The following XDH variants were observed in gnomAD, a reference collection of about 807,000 sequenced individuals.
XDH encodes xanthine dehydrogenase, also known as xanthine dehydrogenase/oxidase.
In XDH, 138 loss-of-function variants were observed where a neutral mutation model predicts 156.1. The ratio of observed to expected loss-of-function variants is 0.88; its 90% CI spans 0.77 to 1.02. The LOEUF (loss-of-function observed/expected upper bound fraction) is 1.02. Ranked by LOEUF, XDH falls within the 50% of genes least tolerant of loss-of-function variation. The pLI, the probability that XDH is intolerant of heterozygous loss-of-function variation, is 0.00. For synonymous variants in XDH, 669 were observed against 625.7 expected (o/e 1.07, Z -1.03); for missense variants, 1,849 against 1,684.9 (o/e 1.10, Z -1.71).
intron 30 of XDH, among the ~76,000 whole-genome samples, chr2:31,345,452 C>T (rs1039388384): frequency 6.6e-6 from 1 of 152,218 alleles, no homozygotes; most frequent in African/African-American, 2.4e-5. Context: ...CTAGCACAGA[C>T]TCAGATTTAA....
chr2:31,401,343 T>A lies in XDH; in HGVS notation c.198-15A>T, dbSNP rs1687053565. ...CAGAAAAGTGGCTAGAACCCCAGAT[T>A]AAGGTCATTCCATTTATTGTCCACT... On this transcript the variant is annotated splice_polypyrimidine_tract_variant and intron_variant, in intron 3 of 35. Coordinates refer to ENST00000379416, the MANE Select transcript of XDH (RefSeq NM_000379.4). 2 of 1,613,578 alleles carry A rather than the reference T, an allele frequency of 1.2e-6. No individual in the cohort carries two copies. The highest frequency in any genetic ancestry group is 2.7e-5 in the African/African-American group (2 of 75,014).
At chr2:31,366,742 T>G (rs1238003107) in intron 21 of XDH, 128 bp downstream of exon 21, 7 of 1,449,398 alleles carry the variant, frequency 4.8e-6, no homozygotes, top group Non-Finnish European at 5.8e-6. Flanking sequence ...GCTCCAGGAC[T>G]ATGACACTCG....
At chr2:31,412,567 C>T (rs1687370317) in intron 1 of XDH, among the ~76,000 whole-genome samples, 1 of 152,030 alleles carries the variant, frequency 6.6e-6, no homozygotes, top group East Asian at 1.9e-4. Flanking sequence ...ACCAACATGG[C>T]ACATGTGTAC....
In XDH at chr2:31,337,054, G is replaced by A. The variant is rs370830378; in HGVS notation, c.3951+587C>T. ...TTCTTAAAGTGATTCCAATGACTAC[G>A]GAATTCTTCTACTACTTTCTGCCAC... On this transcript the variant is annotated intron_variant, in intron 35 of 35. Transcript: ENST00000379416. Among the ~76,000 whole-genome samples, 12 of 151,762 alleles carry A rather than the reference G, an allele frequency of 7.9e-5. No homozygotes were observed. In the East Asian group the frequency reaches 1.2e-3, roughly 15 times the overall value.
intron 24 of XDH, among the ~76,000 whole-genome samples, chr2:31,353,875 G>A (rs1685556352): frequency 6.6e-6 from 1 of 152,152 alleles, no homozygotes; most frequent in South Asian, 2.1e-4. Context: ...GATGGTGCCA[G>A]AGGAGACCAG....
chr2:31,353,412 A>G (rs1685539864), intron 24 of XDH, among the ~76,000 whole-genome samples: 1 of 152,208 alleles, frequency 6.6e-6, no homozygotes, highest in Admixed American at 6.5e-5. Flanking sequence ...TACTTCCATT[A>G]AGTACCACTA....
At chr2:31,339,771 C>T (rs1302540152) in intron 33 of XDH, 94 bp from the exon 34 acceptor site, 11 of 1,509,816 alleles carry the variant, frequency 7.3e-6, no homozygotes, top group South Asian at 3.6e-5. Context: ...CCAACTGCAG[C>T]GCGGCCTGGA....
At chr2:31,343,310 A>ATATATATATATATATATATATATT (rs1553411675) in intron 31 of XDH, among the ~76,000 whole-genome samples, 1 of 102,230 alleles carries the variant, frequency 9.8e-6, no homozygotes, top group Non-Finnish European at 1.9e-5. Flanking sequence ...ATATATATAT[A>ATATATATATATATATATATATATT]TATATATATA....
intron 35 of XDH, among the ~76,000 whole-genome samples, chr2:31,337,287 A>G (rs894765119): frequency 6.6e-6 from 1 of 152,206 alleles, no homozygotes; most frequent in Non-Finnish European, 1.5e-5. Context: ...TAAATTAAAA[A>G]AAAAAATGCT....
intron 30 of XDH, among the ~76,000 whole-genome samples, chr2:31,345,761 G>A (rs1329781347): frequency 6.6e-6 from 1 of 152,184 alleles, no homozygotes; most frequent in Non-Finnish European, 1.5e-5. Flanking sequence ...GTTGGTGACT[G>A]TGGTTCATTT....
At chr2:31,341,864 G>A (rs940797680) in intron 32 of XDH, among the ~76,000 whole-genome samples, 3 of 152,144 alleles carry the variant, frequency 2.0e-5, no homozygotes, top group African/African-American at 7.2e-5. Flanking sequence ...AGTAAAAATT[G>A]TATGAGATTC....
intron 5 of XDH, among the ~76,000 whole-genome samples, chr2:31,398,074 G>C (rs192481177): frequency 1.3e-5 from 2 of 152,312 alleles, no homozygotes; most frequent in African/African-American, 4.8e-5. Flanking sequence ...AGTAGAGGGT[G>C]TGTCTTTTAT....
intron 13 of XDH, among the ~76,000 whole-genome samples, chr2:31,378,055 G>GAAGAAAGGAAGAAAGAAAGAAAGA (rs1686298190): frequency 1.5e-5 from 1 of 65,454 alleles, no homozygotes; most frequent in African/African-American, 6.6e-5. Context: ...AGAAAGAAAG[G>GAAGAAAGGAAGAAAGAAAGAAAGA]AAGAAAGAAA....
chr2:31,344,790 G>A, intron 30 of XDH, 54 bp from the exon 31 acceptor site: 3 of 1,584,060 alleles, frequency 1.9e-6, no homozygotes, highest in Non-Finnish European at 2.6e-6. Flanking sequence ...CAGGAACCCT[G>A]ACCTGCCACT....
chr2:31,351,071 T>G (rs1485576918), intron 24 of XDH, among the ~76,000 whole-genome samples: 2 of 152,222 alleles, frequency 1.3e-5, no homozygotes, highest in Non-Finnish European at 2.9e-5. Flanking sequence ...GTCTTTCTTT[T>G]ATGGAAAAGG....
intron 6 of XDH, among the ~76,000 whole-genome samples, chr2:31,388,920 A>G (rs1156420121): frequency 6.6e-6 from 1 of 152,206 alleles, no homozygotes; most frequent in African/African-American, 2.4e-5. Flanking sequence ...CATCTCTGGG[A>G]AAAGACTTGC....
chr2:31,337,950 A>G lies in XDH; in HGVS notation c.3775-133T>C. 6 of 890,214 alleles carry G rather than the reference A, an allele frequency of 6.7e-6. No individual in the cohort carries two copies. The South Asian group carries it at 1.0e-4, about 15-fold the overall frequency. 55.1% of individuals were successfully genotyped at this position (890,214 alleles called of 1,614,324 possible). On this transcript the variant is annotated intron_variant, in intron 34 of 35. Transcript: ENST00000379416. ...GTGGCACCAGGAAAGCACTGATGGG[A>G]GCCACACCAAATACAGCAGGAAGGC...
chr2:31,413,478 G>A (rs1687395136), intron 1 of XDH, among the ~76,000 whole-genome samples: 1 of 152,150 alleles, frequency 6.6e-6, no homozygotes, highest in Admixed American at 6.5e-5. Flanking sequence ...ACCACTCAAA[G>A]AGAGTCCATC....
rs45440994 is a variant in XDH, at chr2:31,367,624, G to C, written c.2197+337C>G. 3.5e-3 allele frequency among the ~76,000 whole-genome samples: 534 copies of C among 152,180 alleles called. 28 individuals are homozygous for C. The East Asian group carries it at 0.083, about 24-fold the overall frequency. On this transcript the variant is annotated intron_variant, in intron 20 of 35. Coordinates refer to ENST00000379416, the MANE Select transcript of XDH (RefSeq NM_000379.4). ...ATGGGTAAGGACTGCCTTCAGGTAGGGGGAGGATGAGAATTTATGCGGTTA... is the reference window on the plus strand; with the variant it reads ...ATGGGTAAGGACTGCCTTCAGGTAGCGGGAGGATGAGAATTTATGCGGTTA...
Sources: allele counts gnomAD v4.1 joint callset (sites outside exome capture counted in the v4.1 genomes callset), GRCh38; gene constraint gnomAD v4.1.1; transcripts MANE v1.5; gene names NCBI Gene and HGNC (gene_info 2026-07-23, HGNC 2026-07-21).